The following NSD2 variants were observed in gnomAD, a reference collection of about 807,000 sequenced individuals.
The protein encoded by NSD2 is histone-lysine N-methyltransferase NSD2.
In NSD2, 12 loss-of-function variants were observed where a neutral mutation model predicts 139.0. The observed-to-expected ratio is 0.09, with a 90% CI of 0.06 to 0.14. The LOEUF (loss-of-function observed/expected upper bound fraction) is 0.14. Ranked by LOEUF, NSD2 falls within the 10% of genes least tolerant of loss-of-function variation. NSD2 has a pLI of 1.00. For synonymous variants in NSD2, 669 were observed against 648.7 expected (o/e 1.03, Z -0.48); for missense variants, 1,155 against 1,745.0 (o/e 0.66, Z 6.02).
At chr4:1,975,857 G>A (rs1030720074) in intron 20 of NSD2, among the ~76,000 whole-genome samples, 1 of 152,202 alleles carries the variant, frequency 6.6e-6, no homozygotes, top group African/African-American at 2.4e-5. Flanking sequence ...CTGCTACCGT[G>A]TGACCCCATC....
intron 9 of NSD2, chr4:1,940,278 T>C: frequency 9.3e-7 from 1 of 1,073,406 alleles, no homozygotes; most frequent in Non-Finnish European, 1.1e-6. Flanking sequence ...ATGGCTTTGG[T>C]CCTTTAAATT....
intron 5 of NSD2, among the ~76,000 whole-genome samples, chr4:1,923,269 G>T (rs896389524): frequency 6.7e-6 from 1 of 148,888 alleles, no homozygotes; most frequent in African/African-American, 2.5e-5. Flanking sequence ...CGGGAGGATT[G>T]CTTGAGCCAC....
intron 9 of NSD2, chr4:1,941,035 T>A (rs139693270): frequency 9.5e-7 from 1 of 1,056,948 alleles, no homozygotes; most frequent in South Asian, 4.6e-5. Flanking sequence ...CATTTTGTGA[T>A]GTTTGGACAC....
At chr4:1,969,975 A>G (rs764972283) in intron 18 of NSD2, among the ~76,000 whole-genome samples, 1 of 152,238 alleles carries the variant, frequency 6.6e-6, no homozygotes, top group Non-Finnish European at 1.5e-5. Flanking sequence ...AGGAACCACA[A>G]GAACGGCACG....
chr4:1,976,826 G>T lies in NSD2; in HGVS notation c.3826+147G>T. 1.2e-6 allele frequency: 1 copy of T among 804,188 alleles called. No individual in the cohort carries two copies. The highest frequency in any genetic ancestry group is 2.7e-5 in the East Asian group (1 of 37,442). 49.8% of individuals were successfully genotyped at this position (804,188 alleles called of 1,614,324 possible). On this transcript the variant is annotated intron_variant, in intron 21 of 21. Transcript: ENST00000508803. This position sits in a 1 kb window ranked among gnomAD's most constrained non-coding sequence, Gnocchi z 5.3. ...GCAGCGAAGGCCCTGATCCAGGGTG[G>T]CAGAGCCTTTCTTTGTTCCACCAGC...
intron 9 of NSD2, chr4:1,944,182 CA>C (rs778086860): frequency 3.2e-5 from 34 of 1,066,010 alleles, no homozygotes; most frequent in Non-Finnish European, 3.8e-5. Flanking sequence ...CCATGTGTGG[CA>C]GCATTGTCCC....
chr4:1,951,250 G>A, intron 10 of NSD2, 47 bp downstream of exon 10: 1 of 1,611,556 alleles, frequency 6.2e-7, no homozygotes. Flanking sequence ...TGTCTGACTG[G>A]GGCCCCGGTA....
At position 1,918,125 on chromosome 4, in the gene NSD2, CTTT is replaced by C; in HGVS notation, c.928-8_928-6del. 1 of 1,467,848 alleles carries C rather than the reference CTTT, an allele frequency of 6.8e-7. No individual in the cohort carries two copies. The highest frequency in any genetic ancestry group is 9.3e-7 in the Non-Finnish European group (1 of 1,079,966). 90.9% of individuals were successfully genotyped at this position (1,467,848 alleles called of 1,614,324 possible). On this transcript the variant is annotated splice_polypyrimidine_tract_variant and intron_variant, in intron 4 of 21. Coordinates refer to ENST00000508803, the MANE Select transcript of NSD2 (RefSeq NM_001042424.3). ...TTGTGTAGTGAAACTTACAGTGTCT[CTTT>C]TTTTTTTCCCAGCTATTGAAACCAA...
intron 6 of NSD2, among the ~76,000 whole-genome samples, 193 bp from the exon 7 acceptor site, chr4:1,934,951 G>C (rs1225636156): frequency 7.8e-6 from 1 of 127,684 alleles, no homozygotes; most frequent in Non-Finnish European, 1.6e-5. Flanking sequence ...CCTAAGGTTA[G>C]ATATAGTCAC....
chr4:1,945,980 T>C, intron 9 of NSD2: 2 of 1,049,460 alleles, frequency 1.9e-6, no homozygotes, highest in Non-Finnish European at 1.2e-6. Flanking sequence ...AGGTAGACTT[T>C]TGTATACAGA....
In NSD2 at chr4:1,979,054, T is replaced by G. The variant is rs1444804616; in HGVS notation, c.*145T>G. ...ACAGGCCTCCTCGGGAGGGAGCGCC[T>G]CCCCACCACTGAGCCATCCTCAGCA... On this transcript the variant is annotated 3_prime_UTR_variant, in exon 22 of 22. Coordinates refer to ENST00000508803, the MANE Select transcript of NSD2 (RefSeq NM_001042424.3). The G allele has an allele frequency of 1.9e-6, 2 of 1,041,642 alleles. No individual in the cohort carries two copies. Among genetic ancestry groups the G allele is most frequent in the South Asian group, 2.1e-5 (1 of 48,182 alleles). 64.5% of individuals were successfully genotyped at this position (1,041,642 alleles called of 1,614,324 possible). A position where few individuals can be genotyped will look rare whatever the true frequency, so the allele number is the denominator to read the frequency against.
intron 9 of NSD2, chr4:1,943,858 T>G: frequency 9.4e-7 from 1 of 1,063,292 alleles, no homozygotes; most frequent in Non-Finnish European, 1.1e-6. Flanking sequence ...GGGATTTCAT[T>G]TGAAATTACA....
intron 9 of NSD2, chr4:1,944,063 G>A: frequency 9.4e-7 from 1 of 1,066,084 alleles, no homozygotes; most frequent in Non-Finnish European, 1.1e-6. Context: ...AACGTGGATG[G>A]GAATGATAGT....
rs1184877966 is a variant in NSD2 at position 1,957,925 on chromosome 4, CTT to C, written c.2882-4_2882-3del. 2 of 1,613,240 alleles carry C rather than the reference CTT, an allele frequency of 1.2e-6. No homozygotes were observed. The highest frequency in any genetic ancestry group is 1.7e-6 in the Non-Finnish European group (2 of 1,179,558). The stretch of plus-strand genomic sequence containing the variant: ...AAAATCTTTACTCCTATTTCATTGA[CTT>C]TTTAGCACTGCAAGAAGCTGAAGCT... On this transcript the variant is annotated splice_polypyrimidine_tract_variant and splice_region_variant and intron_variant, in intron 15 of 21. Transcript: ENST00000508803.
At chr4:1,886,569 C>G (rs1055699983) in intron 1 of NSD2, among the ~76,000 whole-genome samples, 1 of 152,114 alleles carries the variant, frequency 6.6e-6, no homozygotes, top group Non-Finnish European at 1.5e-5. Context: ...CGGTGACTCA[C>G]GCCTGTAATT....
At chr4:1,892,619 GT>G (rs1715673914) in intron 1 of NSD2, among the ~76,000 whole-genome samples, 1 of 151,906 alleles carries the variant, frequency 6.6e-6, no homozygotes, top group African/African-American at 2.4e-5. Context: ...AGGCTGGAGT[GT>G]AGTGGCCTGA....
Position 1,976,461 on chromosome 4 carries a change from ATTC to A in NSD2, c.3622-11_3622-9del. The A allele has an allele frequency of 4.3e-6, 7 of 1,611,512 alleles. No homozygotes were observed. The highest frequency in any genetic ancestry group is 5.9e-6 in the Non-Finnish European group (7 of 1,179,014). On this transcript the variant is annotated splice_polypyrimidine_tract_variant and intron_variant, in intron 20 of 21. Coordinates refer to ENST00000508803, the MANE Select transcript of NSD2 (RefSeq NM_001042424.3). The surrounding 1 kb of genome is among the most constrained non-coding windows in gnomAD (Gnocchi z 5.3). ...AATTCTTTCCGGTGATCTGTGCTTA[ATTC>A]TTGACTCTAGACCTCGACGACCCTT... is the stretch of plus-strand genomic sequence containing the variant.
intron 5 of NSD2, among the ~76,000 whole-genome samples, chr4:1,924,377 G>T (rs1376236805): frequency 6.6e-6 from 1 of 151,896 alleles, no homozygotes; most frequent in Admixed American, 6.6e-5. Context: ...GAACCGCCCC[G>T]TCAGCCACTC....
Position 1,975,413 on chromosome 4 carries a change from C to T in NSD2, c.3621+13C>T, listed in dbSNP as rs375193549. On this transcript the variant is annotated intron_variant, in intron 20 of 21. Transcript: ENST00000508803. ...GGATAGACCAAAGGTAAGGCTGTGG[C>T]GCCCTCCTTCCCCCCAGGCTCTGTG... 134 of 1,610,618 alleles carry T rather than the reference C, an allele frequency of 8.3e-5. No individual in the cohort carries two copies. Among genetic ancestry groups the T allele is most frequent in the South Asian group, 2.7e-4 (25 of 91,006 alleles).
Sources: allele counts gnomAD v4.1 joint callset (sites outside exome capture counted in the v4.1 genomes callset), GRCh38; gene constraint gnomAD v4.1.1; non-coding constraint Gnocchi (gnomAD v3.1); transcripts MANE v1.5; gene names NCBI Gene and HGNC (gene_info 2026-07-23, HGNC 2026-07-21).